CSMD3: variants seen among roughly 807,000 people sequenced by gnomAD.
The protein encoded by CSMD3 is CUB and sushi domain-containing protein 3.
In CSMD3, 177 loss-of-function variants were observed where a neutral mutation model predicts 435.2. That is an observed-to-expected ratio of 0.41 (90% CI 0.36 to 0.46). The LOEUF is 0.46. CSMD3 is among the 20% of genes least tolerant of loss of function. The pLI, the probability that CSMD3 is intolerant of heterozygous loss-of-function variation, is 0.34. For missense variants in CSMD3, 4,265 were observed against 4,504.6 expected, an observed-to-expected ratio of 0.95 and a Z score of 1.52; for synonymous variants, 1,656 against 1,520.5, an observed-to-expected ratio of 1.09 and a Z score of -2.07.
At chr8:112,859,356 A>G (rs1248372795) in intron 10 of CSMD3, 90 bp from the exon 11 acceptor site, 4 of 1,042,934 alleles carry the variant, frequency 3.8e-6, no homozygotes, top group Admixed American at 1.9e-5. Flanking sequence ...TTTACATTCA[A>G]AATGACACAA....
intron 2 of CSMD3, among the ~76,000 whole-genome samples, chr8:113,306,332 G>C (rs780698603): frequency 6.6e-6 from 1 of 151,976 alleles, no homozygotes; most frequent in Non-Finnish European, 1.5e-5. Flanking sequence ...AATCTTTATC[G>C]TCAGCTAATT....
intron 51 of CSMD3, 46 bp downstream of exon 51, chr8:112,305,961 A>G: frequency 1.3e-6 from 2 of 1,494,910 alleles, no homozygotes; most frequent in Non-Finnish European, 9.3e-7. Context: ...AGGTATATAA[A>G]ATACCAAGAG....
intron 10 of CSMD3, among the ~76,000 whole-genome samples, chr8:112,904,344 CCA>C (rs2082194890): frequency 6.6e-6 from 1 of 151,414 alleles, no homozygotes; most frequent in South Asian, 2.1e-4. Flanking sequence ...TTTAACCATT[CCA>C]CAGTGTATAC....
intron 1 of CSMD3, among the ~76,000 whole-genome samples, chr8:113,427,087 C>T (rs1207660391): frequency 1.3e-5 from 2 of 151,040 alleles, no homozygotes; most frequent in Non-Finnish European, 3.0e-5. Context: ...AATATAACAA[C>T]AAATAAAGCT....
chr8:112,549,018 G>A (rs543501309), intron 27 of CSMD3, among the ~76,000 whole-genome samples: 2 of 152,162 alleles, frequency 1.3e-5, no homozygotes, highest in Non-Finnish European at 2.9e-5. Context: ...CTAAAATAGT[G>A]TGTTTCCACT....
At chr8:112,737,356 C>A (rs2077208616) in intron 13 of CSMD3, among the ~76,000 whole-genome samples, 2 of 151,952 alleles carry the variant, frequency 1.3e-5, no homozygotes, top group South Asian at 4.1e-4. Flanking sequence ...AGAGCTTCAT[C>A]TCTTTAAGGC....
chr8:113,194,171 T>G (rs2092623520), intron 3 of CSMD3, among the ~76,000 whole-genome samples: 1 of 151,350 alleles, frequency 6.6e-6, no homozygotes, highest in South Asian at 2.1e-4. Context: ...TAGGGGACAC[T>G]GCCATGCTGC....
At chr8:112,746,966 A>G (rs894729443) in intron 13 of CSMD3, among the ~76,000 whole-genome samples, 2 of 152,088 alleles carry the variant, frequency 1.3e-5, no homozygotes, top group African/African-American at 4.8e-5. Context: ...AGAACTTTTT[A>G]CTTGACCTCC....
rs189459401 is a variant in CSMD3 at position 112,460,745 on chromosome 8, A to T, written c.5395+11846T>A. Among the ~76,000 whole-genome samples, 930 of 152,308 alleles carry T rather than the reference A, an allele frequency of 6.1e-3. 6 individuals are homozygous for T. The highest frequency in any genetic ancestry group is 0.022 in the South Asian group (104 of 4,834). On this transcript the variant is annotated intron_variant, in intron 32 of 70. Transcript: ENST00000297405. ...TATAATAGATGAAACTTTGATAGTT[A>T]GTCTGGTATTTTAGTATAAACCACA... is the stretch of plus-strand genomic sequence containing the variant.
chr8:112,336,697 A>C lies in CSMD3; in HGVS notation c.6974T>G (p.Phe2325Cys). 6.2e-7 allele frequency: 1 copy of C among 1,613,284 alleles called. No homozygotes were observed. Among genetic ancestry groups the C allele is most frequent in the Non-Finnish European group, 8.5e-7 (1 of 1,179,370 alleles). The change falls in exon 44 of 71, where the codon TTT becomes TGT. Residue 2325 changes from phenylalanine to cysteine, a missense_variant. Around this residue, in one of 3 missense-constraint regions of CSMD3, gnomAD observed 3,255 missense variants for 3,380.2 expected, o/e 0.96. Transcript: ENST00000297405. The part of the protein sequence containing the change: ...VPPGNGIYIN[F>C]TVLQTEPIYD... ...TATTGGTTCTGTTTGAAGGACAGTAAAATTGATGTAGATGCCATTCCCAGG... is the reference window on the plus strand; with the variant it reads ...TATTGGTTCTGTTTGAAGGACAGTACAATTGATGTAGATGCCATTCCCAGG...
intron 3 of CSMD3, among the ~76,000 whole-genome samples, chr8:113,204,383 C>T (rs2092747934): frequency 6.6e-6 from 1 of 152,080 alleles, no homozygotes. Context: ...AAATAAGGTA[C>T]ATATGTTTTC....
chr8:112,517,220 C>T lies in CSMD3; in HGVS notation c.4570G>A (p.Val1524Ile), dbSNP rs767777118. The T allele has an allele frequency of 1.9e-6, 3 of 1,613,042 alleles. No individual in the cohort carries two copies. The South Asian group carries it at 3.3e-5, about 18-fold the overall frequency. ...SGFAIQFSSSVATACRDPGVP... is the reference protein window; with the variant it reads ...SGFAIQFSSSIATACRDPGVP... ...CCTGGGTCACGACACGCAGTGGCAACAGAACCTATCAAAAGACAGAGACAA... is the reference window on the plus strand; with the variant it reads ...CCTGGGTCACGACACGCAGTGGCAATAGAACCTATCAAAAGACAGAGACAA... The change falls in exon 28 of 71, where the codon GTT becomes ATT. Residue 1524 changes from valine to isoleucine, a missense_variant. Val to Ile is a conservative substitution (Grantham distance 29). Transcript: ENST00000297405.
chr8:112,988,911 A>G (rs2085348671), intron 6 of CSMD3, among the ~76,000 whole-genome samples: 1 of 152,080 alleles, frequency 6.6e-6, no homozygotes, highest in Non-Finnish European at 1.5e-5. Context: ...CGTAGGCAGC[A>G]GGTACCATGA....
In CSMD3 at chr8:112,224,525, T is replaced by TA. The variant is rs1056125609; in HGVS notation, c.*245dup. 7.3e-5 allele frequency: 39 copies of TA among 533,892 alleles called. No individual in the cohort carries two copies. The highest frequency in any genetic ancestry group is 1.1e-4 in the Non-Finnish European group (34 of 296,080). The allele number at this position is 533,892 out of a possible 1,614,324, so 33.1% of individuals were successfully genotyped here. A position where few individuals can be genotyped will look rare whatever the true frequency, so the allele number is the denominator to read the frequency against. The stretch of plus-strand genomic sequence containing the variant: ...TTATATTTTAGAATAATCTCCTTTT[T>TA]AAAAAAAGCAAATAAACTGTGAGTA... On this transcript the variant is annotated 3_prime_UTR_variant, in exon 71 of 71. Transcript: ENST00000297405.
Position 112,287,051 on chromosome 8 carries a change from T to C in CSMD3, c.9331+13A>G. On this transcript the variant is annotated intron_variant, in intron 58 of 70. Transcript: ENST00000297405. ...CAGTAGTTGCAATATATTTAATTTC[T>C]GCTTGAGATTACCTTTGCACTCTGG... 1 of 1,608,462 alleles carries C rather than the reference T, an allele frequency of 6.2e-7. No individual in the cohort carries two copies. The highest frequency in any genetic ancestry group is 8.5e-7 in the Non-Finnish European group (1 of 1,175,014).
At chr8:112,589,709 G>C (rs955010134) in intron 22 of CSMD3, among the ~76,000 whole-genome samples, 4 of 152,128 alleles carry the variant, frequency 2.6e-5, no homozygotes, top group Non-Finnish European at 5.9e-5. Context: ...ACTAGCAGCA[G>C]AACAGCTAAC....
At chr8:112,527,134 T>C (rs1825056028) in intron 27 of CSMD3, among the ~76,000 whole-genome samples, 2 of 152,064 alleles carry the variant, frequency 1.3e-5, no homozygotes, top group South Asian at 4.1e-4. Flanking sequence ...AGTAGTCTAA[T>C]GGTTAAAAGA....
intron 12 of CSMD3, among the ~76,000 whole-genome samples, chr8:112,824,493 G>C (rs2132450331): frequency 6.6e-6 from 1 of 152,224 alleles, no homozygotes; most frequent in East Asian, 1.9e-4. Context: ...TTGTAAGGCA[G>C]GTATGATGGT....
chr8:112,616,069 A>G (rs1255700987), intron 22 of CSMD3, among the ~76,000 whole-genome samples: 2 of 152,120 alleles, frequency 1.3e-5, no homozygotes, highest in Non-Finnish European at 2.9e-5. Flanking sequence ...AGTAATTAAA[A>G]GTGACTCGAG....
Sources: gnomAD v4.1 joint callset for allele counts (sites outside exome capture counted in the v4.1 genomes callset) on GRCh38, gnomAD v4.1.1 for gene constraint, gnomAD v4.1.1 regional missense constraint, MANE v1.5 for transcripts, NCBI Gene and HGNC (gene_info 2026-07-23, HGNC 2026-07-21) for gene names.